The following RBFOX1 variants were observed in gnomAD, a reference collection of about 807,000 sequenced individuals.
RBFOX1 encodes RNA binding fox-1 homolog 1, also known as RNA binding protein fox-1 homolog 1.
A neutral mutation model predicts 57.7 loss-of-function variants in RBFOX1; 8 were observed. That is an observed-to-expected ratio of 0.14 (90% CI 0.08 to 0.25). RBFOX1 has a LOEUF of 0.25. Ranked by LOEUF, RBFOX1 falls within the 10% of genes least tolerant of loss-of-function variation. The probability of loss-of-function intolerance (pLI) is 1.00; values close to 1 mark genes in which losing one functional copy is unlikely to be tolerated. For synonymous variants in RBFOX1, 326 were observed against 222.4 expected (o/e 1.47, Z -4.15); for missense variants, 611 against 548.5 (o/e 1.11, Z -1.14).
intron 4 of RBFOX1, among the ~76,000 whole-genome samples, chr16:7,442,297 T>C (rs1300345155): frequency 6.6e-6 from 1 of 152,152 alleles, no homozygotes; most frequent in Non-Finnish European, 1.5e-5. Context: ...TTCCCTCCTC[T>C]GCCTTCTCCA....
At chr16:7,334,251 T>A (rs1057357092) in intron 4 of RBFOX1, among the ~76,000 whole-genome samples, 7 of 152,162 alleles carry the variant, frequency 4.6e-5, no homozygotes, top group Admixed American at 6.5e-5. Context: ...TTCCTCTGTT[T>A]GGAAGCTTTT....
intron 1 of RBFOX1, among the ~76,000 whole-genome samples, chr16:6,263,898 C>T (rs1335089999): frequency 6.6e-6 from 1 of 152,284 alleles, no homozygotes; most frequent in South Asian, 2.1e-4. Flanking sequence ...CCACCAGCAA[C>T]ATCCACTATT....
intron 4 of RBFOX1, among the ~76,000 whole-genome samples, chr16:7,225,718 T>G (rs988608509): frequency 8.0e-6 from 1 of 125,634 alleles, no homozygotes; most frequent in Non-Finnish European, 1.6e-5. Flanking sequence ...AAAAGTAGAA[T>G]ATATTGTACT....
chr16:5,769,889 C>G, intron 3 of RBFOX1, among the ~76,000 whole-genome samples: 1 of 152,030 alleles, frequency 6.6e-6, no homozygotes, highest in East Asian at 1.9e-4. Flanking sequence ...TCATGACAAC[C>G]GTAGGAAATT....
intron 3 of RBFOX1, among the ~76,000 whole-genome samples, chr16:6,924,184 T>G (rs759937266): frequency 2.7e-5 from 4 of 150,840 alleles, no homozygotes; most frequent in Non-Finnish European, 4.4e-5. Context: ...ATAATAATAA[T>G]AATAATAATA....
At chr16:7,454,279 G>A (rs557336718) in intron 4 of RBFOX1, among the ~76,000 whole-genome samples, 1 of 152,318 alleles carries the variant, frequency 6.6e-6, no homozygotes, top group South Asian at 2.1e-4. Flanking sequence ...TTCCCAGGAA[G>A]TCAAGGAAGC....
At chr16:6,285,484 G>T (rs1157637246) in intron 1 of RBFOX1, among the ~76,000 whole-genome samples, 1 of 152,110 alleles carries the variant, frequency 6.6e-6, no homozygotes, top group African/African-American at 2.4e-5. Flanking sequence ...TATGGCAAAA[G>T]GTTTTCATCC....
chr16:7,321,125 A>ATATACATATACATATACT (rs1474192205), intron 4 of RBFOX1, among the ~76,000 whole-genome samples: 98 of 128,322 alleles, frequency 7.6e-4, no homozygotes, highest in Middle Eastern at 4.2e-3. Flanking sequence ...ATACATATAC[A>ATATACATATACATATACT]TATACTTATA....
At chr16:6,815,433 C>T (rs1567373565) in intron 3 of RBFOX1, among the ~76,000 whole-genome samples, 1 of 152,156 alleles carries the variant, frequency 6.6e-6, no homozygotes, top group Non-Finnish European at 1.5e-5. Context: ...AAGATGGAGT[C>T]ACTCTGGTTC....
intron 3 of RBFOX1, among the ~76,000 whole-genome samples, chr16:6,986,150 C>T (rs191934149): frequency 0.014 from 1,660 of 121,642 alleles, 37 homozygotes; most frequent in African/African-American, 0.06. Context: ...TACAATAACC[C>T]TTATATACGT....
chr16:6,990,971 G>C (rs1363661132), intron 3 of RBFOX1, among the ~76,000 whole-genome samples: 1 of 151,922 alleles, frequency 6.6e-6, no homozygotes, highest in Non-Finnish European at 1.5e-5. Flanking sequence ...ATATTTTAAA[G>C]CTCTGTGTCC....
At chr16:5,341,382 A>G (rs2065027959) in intron 1 of RBFOX1, among the ~76,000 whole-genome samples, 1 of 152,212 alleles carries the variant, frequency 6.6e-6, no homozygotes, top group African/African-American at 2.4e-5. Flanking sequence ...ATCTGGCCCA[A>G]TTATACTAGT....
intron 3 of RBFOX1, among the ~76,000 whole-genome samples, chr16:6,724,789 C>A (rs1276909357): frequency 6.6e-6 from 1 of 151,906 alleles, no homozygotes; most frequent in East Asian, 1.9e-4. Flanking sequence ...AGGTTTGTTA[C>A]ATAAGTAAAT....
chr16:5,355,826 T>G (rs1435180335), intron 1 of RBFOX1, among the ~76,000 whole-genome samples: 1 of 152,122 alleles, frequency 6.6e-6, no homozygotes, highest in East Asian at 1.9e-4. Flanking sequence ...TGCAATGCCT[T>G]ATGCATGTAA....
chr16:6,872,384 C>T (rs559592631), intron 3 of RBFOX1, among the ~76,000 whole-genome samples: 1 of 152,190 alleles, frequency 6.6e-6, no homozygotes, highest in African/African-American at 2.4e-5. Flanking sequence ...AATAGCTTTA[C>T]TATGACCATA....
At chr16:6,839,013 C>T (rs1043977242) in intron 3 of RBFOX1, among the ~76,000 whole-genome samples, 2 of 151,366 alleles carry the variant, frequency 1.3e-5, no homozygotes, top group Admixed American at 6.6e-5. Flanking sequence ...GTGACCGAGT[C>T]TTGCTCTGTC....
chr16:7,606,911 C>G (rs2095305940), intron 9 of RBFOX1, among the ~76,000 whole-genome samples: 1 of 151,968 alleles, frequency 6.6e-6, no homozygotes, highest in South Asian at 2.1e-4. Flanking sequence ...TTTTTGTGAA[C>G]TTAATGCAGA....
chr16:6,142,617 C>A (rs2096727709), intron 1 of RBFOX1, among the ~76,000 whole-genome samples: 1 of 152,158 alleles, frequency 6.6e-6, no homozygotes, highest in African/African-American at 2.4e-5. Flanking sequence ...TTGACCAGCA[C>A]ATAGATGAAT....
At chr16:5,824,555 G>A (rs1397595466) in intron 3 of RBFOX1, among the ~76,000 whole-genome samples, 1 of 152,196 alleles carries the variant, frequency 6.6e-6, no homozygotes, top group African/African-American at 2.4e-5. Context: ...ATTGACACAT[G>A]CAATTTCCCT....
Sources: gnomAD v4.1 joint callset for allele counts (sites outside exome capture counted in the v4.1 genomes callset) on GRCh38, gnomAD v4.1.1 for gene constraint, MANE v1.5 for transcripts, NCBI Gene and HGNC (gene_info 2026-07-23, HGNC 2026-07-21) for gene names.